The following TEAD1 variants were observed in gnomAD, a reference collection of about 807,000 sequenced individuals.
The protein encoded by TEAD1 is transcriptional enhancer factor TEF-1.
Under a neutral mutation model 54.9 loss-of-function variants are expected in TEAD1, and 9 were observed. That is an observed-to-expected ratio of 0.16 (90% CI 0.10 to 0.29). The LOEUF is 0.29. Ranked by LOEUF, TEAD1 falls within the 10% of genes least tolerant of loss-of-function variation. The pLI is 1.00. For synonymous variants in TEAD1, 200 were observed against 187.8 expected, an observed-to-expected ratio of 1.07 and a Z score of -0.53; for missense variants, 387 against 535.9, an observed-to-expected ratio of 0.72 and a Z score of 2.74.
intron 3 of TEAD1, among the ~76,000 whole-genome samples, chr11:12,813,742 G>C (rs1946354177): frequency 6.6e-6 from 1 of 152,202 alleles, no homozygotes; most frequent in Non-Finnish European, 1.5e-5. Context: ...CTTAGTCCTT[G>C]TCAGCTTTCC....
intron 2 of TEAD1, among the ~76,000 whole-genome samples, chr11:12,739,515 A>G (rs1944609808): frequency 6.6e-6 from 1 of 152,130 alleles, no homozygotes; most frequent in Non-Finnish European, 1.5e-5. Flanking sequence ...GGTACCGCAT[A>G]TGAGTGGAAT....
intron 4 of TEAD1, among the ~76,000 whole-genome samples, chr11:12,864,468 G>A (rs1276168771): frequency 6.6e-6 from 1 of 152,140 alleles, no homozygotes; most frequent in Non-Finnish European, 1.5e-5. Context: ...TGATGACCCA[G>A]TATGAAAAGC....
intron 3 of TEAD1, 106 bp downstream of exon 3, chr11:12,764,540 G>A (rs1945164366): frequency 1.5e-6 from 2 of 1,348,330 alleles, no homozygotes; most frequent in Admixed American, 1.8e-5. Flanking sequence ...ATGGGGTTGA[G>A]TGATATTTGT....
At chr11:12,705,779 T>G (rs1035244008) in intron 2 of TEAD1, among the ~76,000 whole-genome samples, 1 of 152,240 alleles carries the variant, frequency 6.6e-6, no homozygotes, top group Non-Finnish European at 1.5e-5. Context: ...TTTACTTTTA[T>G]GAGTTATTTG....
chr11:12,865,322 G>T, intron 5 of TEAD1: 1 of 165,260 alleles, frequency 6.1e-6, no homozygotes, highest in Non-Finnish European at 1.3e-5. Context: ...TTTCCAAAGT[G>T]GTCATGAAAT....
intron 3 of TEAD1, among the ~76,000 whole-genome samples, chr11:12,843,132 A>C (rs1046814703): frequency 6.6e-6 from 1 of 152,110 alleles, no homozygotes; most frequent in Non-Finnish European, 1.5e-5. Flanking sequence ...GGCAGCCTCT[A>C]TTGTCTCATT....
At chr11:12,877,672 G>C (rs1194982349) in intron 5 of TEAD1, among the ~76,000 whole-genome samples, 3 of 150,738 alleles carry the variant, frequency 2.0e-5, no homozygotes. Context: ...AAAAAAAAAA[G>C]AAGAAATTAA....
intron 2 of TEAD1, among the ~76,000 whole-genome samples, chr11:12,727,389 TC>T (rs937838489): frequency 7.2e-5 from 11 of 152,118 alleles, no homozygotes; most frequent in African/African-American, 2.7e-4. Flanking sequence ...GTGAATCGGG[TC>T]CTGTGGGCCC....
chr11:12,863,617 C>G (rs1185245797), intron 4 of TEAD1, among the ~76,000 whole-genome samples: 1 of 152,184 alleles, frequency 6.6e-6, no homozygotes, highest in African/African-American at 2.4e-5. Flanking sequence ...AATCACCACA[C>G]AGTCTGAGTC....
intron 2 of TEAD1, among the ~76,000 whole-genome samples, chr11:12,688,210 C>T (rs1323946430): frequency 6.6e-6 from 1 of 151,986 alleles, no homozygotes; most frequent in Non-Finnish European, 1.5e-5. Flanking sequence ...AGGTGATGGG[C>T]AGTGATGGGG....
At chr11:12,824,356 G>T (rs1227599575) in intron 3 of TEAD1, among the ~76,000 whole-genome samples, 4 of 152,220 alleles carry the variant, frequency 2.6e-5, no homozygotes, top group African/African-American at 7.2e-5. Flanking sequence ...CTCCAGGCTG[G>T]AAGTTGTGTA....
chr11:12,929,330 A>T (rs543394874), intron 11 of TEAD1, among the ~76,000 whole-genome samples: 1 of 152,108 alleles, frequency 6.6e-6, no homozygotes, highest in African/African-American at 2.4e-5. Flanking sequence ...CTAAAGGACC[A>T]GTTTTTAATT....
intron 3 of TEAD1, among the ~76,000 whole-genome samples, chr11:12,772,508 A>G (rs995093634): frequency 2.0e-5 from 3 of 152,222 alleles, no homozygotes; most frequent in African/African-American, 7.2e-5. Context: ...TGAAAAGTAG[A>G]GCAAGCTTAG....
At chr11:12,741,705 C>T (rs749334961) in intron 2 of TEAD1, among the ~76,000 whole-genome samples, 9 of 152,274 alleles carry the variant, frequency 5.9e-5, no homozygotes, top group Middle Eastern at 3.4e-3. Flanking sequence ...GAGAAAAATG[C>T]AGGTTCAGGA....
rs376141724 is a variant in TEAD1, at chr11:12,894,590, G to C, written c.700-7350G>C. Reference sequence around the variant, plus strand: ...AGGTAGGAAGCAGGTATCTGGAGAGGGTACTGTGTGCCTGAGGGAAATGCG... The same window carrying C: ...AGGTAGGAAGCAGGTATCTGGAGAGCGTACTGTGTGCCTGAGGGAAATGCG... On this transcript the variant is annotated intron_variant, in intron 9 of 12. Transcript: ENST00000527636. 3.9e-5 allele frequency among the ~76,000 whole-genome samples: 6 copies of C among 152,188 alleles called. No homozygotes were observed. The South Asian group carries it at 6.2e-4, about 16-fold the overall frequency.
chr11:12,856,130 C>CTTT lies in TEAD1; in HGVS notation c.203-6107_203-6105dup, dbSNP rs60226571. Among the ~76,000 whole-genome samples, 126 of 140,902 alleles carry CTTT rather than the reference C, an allele frequency of 8.9e-4. 2 individuals carry two copies. In the East Asian group the frequency reaches 9.2e-3, roughly 10 times the overall value. The allele number at this position is 140,902 out of a possible 152,430, so 92.4% of individuals were successfully genotyped here. On this transcript the variant is annotated intron_variant, in intron 3 of 12. Coordinates refer to ENST00000527636, the MANE Select transcript of TEAD1 (RefSeq NM_021961.6). Reference sequence around the variant, plus strand: ...TTCTTTCCACTGGGTTATCTTCTTCCTTTTTTTTTTTTTTTAACTTTATGT... The same window carrying CTTT: ...TTCTTTCCACTGGGTTATCTTCTTCCTTTTTTTTTTTTTTTTTTAACTTTATGT...
At chr11:12,680,047 G>GAGC (rs59762585) in intron 2 of TEAD1, among the ~76,000 whole-genome samples, 83,105 of 151,704 alleles carry the variant, frequency 0.55, 24,746 homozygotes, top group African/African-American at 0.8. Flanking sequence ...TCTTCTAAGA[G>GAGC]AGAAATACGC....
chr11:12,705,759 A>G (rs185926187), intron 2 of TEAD1, among the ~76,000 whole-genome samples: 6 of 152,308 alleles, frequency 3.9e-5, no homozygotes, highest in East Asian at 1.9e-4. Flanking sequence ...TTATATTACC[A>G]TGTTGTCTTT....
intron 2 of TEAD1, among the ~76,000 whole-genome samples, chr11:12,676,017 G>A (rs976999939): frequency 1.3e-5 from 2 of 152,186 alleles, no homozygotes; most frequent in African/African-American, 2.4e-5. Flanking sequence ...ATTGACCTCA[G>A]TGAGCCCTGG....
Sources: gnomAD v4.1 joint callset for allele counts (sites outside exome capture counted in the v4.1 genomes callset) on GRCh38, gnomAD v4.1.1 for gene constraint, MANE v1.5 for transcripts, NCBI Gene and HGNC (gene_info 2026-07-23, HGNC 2026-07-21) for gene names.